Variants in MYCBP2 observed in about 807,000 individuals in gnomAD.
The protein encoded by MYCBP2 is MYC binding protein 2.
A neutral mutation model predicts 525.3 loss-of-function variants in MYCBP2; 120 were observed. The ratio of observed to expected loss-of-function variants is 0.23; its 90% CI spans 0.20 to 0.27. The LOEUF (loss-of-function observed/expected upper bound fraction) is 0.27, where lower values mean the gene tolerates loss of function less well. MYCBP2 is among the 10% of genes least tolerant of loss of function. MYCBP2 has a pLI of 1.00. For missense variants in MYCBP2, 4,149 were observed against 5,657.1 expected (o/e 0.73, Z 8.55); for synonymous variants, 1,894 against 1,955.8 (o/e 0.97, Z 0.83).
At chr13:77,061,532 C>A in intron 75 of MYCBP2, 130 bp downstream of exon 75, 2 of 1,083,028 alleles carry the variant, frequency 1.8e-6, no homozygotes, top group Admixed American at 3.1e-5. Context: ...GTAAGCGAGA[C>A]AGCTGTGAAC....
Position 77,097,446 on chromosome 13 carries a change from C to T in MYCBP2, c.9708G>A (p.Glu3236=), listed in dbSNP as rs200393657. ...CACACAGTTCACAGATGGTATCTTTCTCTGGTCCTCCTACTGCCAGCTGGG... is the reference window on the plus strand; with the variant it reads ...CACACAGTTCACAGATGGTATCTTTTTCTGGTCCTCCTACTGCCAGCTGGG... ...EMAQLAVGGP[E]KDTICELCGE... The change falls in exon 56 of 83, where the codon GAG becomes GAA. Residue 3236 remains glutamate (E), a synonymous_variant. Transcript: ENST00000544440. 2 of 1,613,510 alleles carry T rather than the reference C, an allele frequency of 1.2e-6. No individual in the cohort carries two copies. Among genetic ancestry groups the T allele is most frequent in the Non-Finnish European group, 1.7e-6 (2 of 1,179,726 alleles).
At chr13:77,260,096 G>GTCATGAAAA (rs1206331062) in intron 13 of MYCBP2, among the ~76,000 whole-genome samples, 2 of 152,156 alleles carry the variant, frequency 1.3e-5, no homozygotes, top group Non-Finnish European at 2.9e-5. Flanking sequence ...AACTAGCTAT[G>GTCATGAAAA]TCATGAAAAT....
chr13:77,097,797 C>T lies in MYCBP2; in HGVS notation c.9357G>A (p.Lys3119=), dbSNP rs1254817660. ...GTGGTTCCTTAAGCATAGACAATACCTTGTTTTTGTTGATGCTACCCATCT... is the reference window on the plus strand; with the variant it reads ...GTGGTTCCTTAAGCATAGACAATACTTTGTTTTTGTTGATGCTACCCATCT... ...ISKMGSINKN[K]VLSMLKEPPL... is the part of the protein sequence containing the mutation. Residue 3119 remains lysine, a synonymous_variant, in exon 56 of 83, where the codon AAG becomes AAA. Coordinates refer to ENST00000544440, the MANE Select transcript of MYCBP2 (RefSeq NM_015057.5). The T allele has an allele frequency of 9.3e-6, 15 of 1,613,700 alleles. No individual in the cohort carries two copies. The highest frequency in any genetic ancestry group is 2.2e-5 in the East Asian group (1 of 44,852).
chr13:77,052,964 T>C (rs2037138769), intron 80 of MYCBP2, among the ~76,000 whole-genome samples: 1 of 151,768 alleles, frequency 6.6e-6, no homozygotes, highest in Non-Finnish European at 1.5e-5. Flanking sequence ...CCCATCTCTA[T>C]CAAAAATACA....
At chr13:77,254,023 T>A (rs2071696125) in intron 14 of MYCBP2, among the ~76,000 whole-genome samples, 1 of 151,968 alleles carries the variant, frequency 6.6e-6, no homozygotes, top group Non-Finnish European at 1.5e-5. Context: ...CACTATAGCA[T>A]GTTCACTGTG....
At chr13:77,196,434 G>A (rs1353047156) in intron 26 of MYCBP2, among the ~76,000 whole-genome samples, 1 of 152,168 alleles carries the variant, frequency 6.6e-6, no homozygotes, top group African/African-American at 2.4e-5. Context: ...GAACAAATGG[G>A]GTGAGGACAG....
intron 80 of MYCBP2, among the ~76,000 whole-genome samples, chr13:77,052,713 T>C (rs1022855865): frequency 6.6e-6 from 1 of 152,256 alleles, no homozygotes; most frequent in Non-Finnish European, 1.5e-5. Flanking sequence ...TGCTTAGCAG[T>C]TCCCAATTTA....
chr13:77,051,813 G>C lies in MYCBP2; in HGVS notation c.13753C>G (p.Gln4585Glu). Residue 4585 changes from glutamine (Q) to glutamate (E), a missense_variant and splice_region_variant, in exon 81 of 83, where the codon CAG (glutamine) becomes GAG (glutamate). Coordinates refer to ENST00000544440, the MANE Select transcript of MYCBP2 (RefSeq NM_015057.5). The stretch of plus-strand genomic sequence containing the variant: ...TTCTAATAAAATGTTCTGCCTACCT[G>C]AGCCCTGGAAACATCAGAACAGGCA... ...CGACSDVSRAQMCPKHGTDFL... is the reference protein window; with the variant it reads ...CGACSDVSRAEMCPKHGTDFL... The C allele has an allele frequency of 6.2e-7, 1 of 1,611,622 alleles. No individual in the cohort carries two copies. Among genetic ancestry groups the C allele is most frequent in the Non-Finnish European group, 8.5e-7 (1 of 1,178,116 alleles).
At chr13:77,225,287 A>G in intron 19 of MYCBP2, 148 bp downstream of exon 19, 1 of 958,728 alleles carries the variant, frequency 1.0e-6, no homozygotes, top group Non-Finnish European at 1.5e-6. Context: ...AGATTCTGTA[A>G]TAAATACAAA....
chr13:77,252,211 T>G (rs565624677), intron 14 of MYCBP2, among the ~76,000 whole-genome samples: 5 of 152,292 alleles, frequency 3.3e-5, no homozygotes, highest in Admixed American at 1.3e-4. Context: ...TCAGCAAACC[T>G]TTTATAAAGA....
In MYCBP2 at chr13:77,212,116, A is replaced by T; in HGVS notation, c.3102T>A (p.Asn1034Lys). 1 of 1,614,136 alleles carries T rather than the reference A, an allele frequency of 6.2e-7. No individual in the cohort carries two copies. The highest frequency in any genetic ancestry group is 8.5e-7 in the Non-Finnish European group (1 of 1,179,982). ...TGTTAGGCATGGGAGCTGGCTTTGC[A>T]TTCCAATATGGCACATCCAAAATTG... is the stretch of plus-strand genomic sequence containing the variant. ...GRPILDVPYW[N>K]AKPAPMPNIG... The change falls in exon 22 of 83, where the codon AAT (asparagine) becomes AAA (lysine). Residue 1034 changes from asparagine to lysine, a missense_variant. This residue lies in a region of MYCBP2 where 620 missense variants were observed against 795.5 expected (regional missense o/e 0.78). Coordinates refer to ENST00000544440, the MANE Select transcript of MYCBP2 (RefSeq NM_015057.5).
At chr13:77,096,802 AATGAT>A (rs1318638516) in intron 56 of MYCBP2, among the ~76,000 whole-genome samples, 2 of 152,176 alleles carry the variant, frequency 1.3e-5, no homozygotes, top group Non-Finnish European at 2.9e-5. Context: ...GTTCTATAAC[AATGAT>A]ATATTTTCAG....
At chr13:77,067,453 T>C in intron 71 of MYCBP2, 128 bp downstream of exon 71, 1 of 922,068 alleles carries the variant, frequency 1.1e-6, no homozygotes, top group Non-Finnish European at 1.6e-6. Flanking sequence ...TTTTAGATAT[T>C]AGCCAGTTGT....
At chr13:77,084,056 CAT>C (rs1231353553) in intron 62 of MYCBP2, among the ~76,000 whole-genome samples, 1 of 151,934 alleles carries the variant, frequency 6.6e-6, no homozygotes, top group Non-Finnish European at 1.5e-5. Context: ...ATAAAAATAC[CAT>C]AGTTTATTTC....
intron 17 of MYCBP2, among the ~76,000 whole-genome samples, chr13:77,236,508 T>C (rs934850315): frequency 1.3e-5 from 2 of 152,160 alleles, no homozygotes; most frequent in African/African-American, 4.8e-5. Context: ...CTCTAAAATA[T>C]TTTTAAAGGA....
intron 13 of MYCBP2, among the ~76,000 whole-genome samples, chr13:77,258,247 T>C (rs941427578): frequency 6.6e-6 from 1 of 152,258 alleles, no homozygotes; most frequent in African/African-American, 2.4e-5. Context: ...AAATTGTTTA[T>C]GTAGAAACCA....
In MYCBP2 at chr13:77,087,468, CA is replaced by C; in HGVS notation, c.10875+15del. On this transcript the variant is annotated intron_variant, in intron 62 of 82. Transcript: ENST00000544440. ...TCTATAAAAATATGCACAATCAAAACAAAAATTTCATTTACTTGTTCTGAAT... is the reference window on the plus strand; with the variant it reads ...TCTATAAAAATATGCACAATCAAAACAAAATTTCATTTACTTGTTCTGAAT... The C allele has an allele frequency of 6.3e-7, 1 of 1,594,024 alleles. No homozygotes were observed. Among genetic ancestry groups the C allele is most frequent in the South Asian group, 1.1e-5 (1 of 89,054 alleles).
chr13:77,109,458 T>C (rs905510945), intron 55 of MYCBP2, among the ~76,000 whole-genome samples: 1 of 152,208 alleles, frequency 6.6e-6, no homozygotes, highest in African/African-American at 2.4e-5. Context: ...TGGACCAGTA[T>C]TGGTCTGTGG....
chr13:77,283,470 T>C (rs1352376811), intron 3 of MYCBP2, among the ~76,000 whole-genome samples: 1 of 152,202 alleles, frequency 6.6e-6, no homozygotes, highest in Non-Finnish European at 1.5e-5. Flanking sequence ...AATATAATGC[T>C]GGCTACAAAT....
Sources: allele counts gnomAD v4.1 joint callset (sites outside exome capture counted in the v4.1 genomes callset), GRCh38; gene constraint gnomAD v4.1.1; regional missense constraint gnomAD v4.1.1; transcripts MANE v1.5; gene names NCBI Gene and HGNC (gene_info 2026-07-23, HGNC 2026-07-21).